DNAH6: variants seen among roughly 807,000 people sequenced by gnomAD.
DNAH6 encodes the protein axonemal beta dynein heavy chain 6.
DNAH6 carries 340 observed loss-of-function variants against 491.4 expected under a neutral mutation model. The observed-to-expected ratio is 0.69, with a 90% CI of 0.63 to 0.76. The LOEUF is 0.76. Among genes scored for constraint, DNAH6 ranks in the 30% least tolerant of loss-of-function variants. The pLI, the probability that DNAH6 is intolerant of heterozygous loss-of-function variation, is 0.00. For synonymous variants in DNAH6, 1,603 were observed against 1,686.1 expected, an observed-to-expected ratio of 0.95 and a Z score of 1.21; for missense variants, 4,443 against 4,972.2, an observed-to-expected ratio of 0.89 and a Z score of 3.20.
intron 72 of DNAH6, 130 bp downstream of exon 72, chr2:84,808,672 A>G (rs1396691026): frequency 5.8e-6 from 5 of 865,668 alleles, no homozygotes; most frequent in African/African-American, 1.7e-5. Flanking sequence ...TTCAAGCCCA[A>G]TGAGTCTAAA....
At chr2:84,558,474 A>G (rs1039716251) in intron 11 of DNAH6, among the ~76,000 whole-genome samples, 2 of 151,964 alleles carry the variant, frequency 1.3e-5, no homozygotes, top group African/African-American at 4.8e-5. Flanking sequence ...GTTACTTATC[A>G]TTAGCAATCC....
intron 64 of DNAH6, among the ~76,000 whole-genome samples, chr2:84,772,110 A>C (rs1233477995): frequency 2.0e-5 from 3 of 152,208 alleles, no homozygotes; most frequent in Non-Finnish European, 4.4e-5. Flanking sequence ...TTTTTTATAC[A>C]ACTGAAACTA....
chr2:84,766,062 T>C (rs1157385942), intron 64 of DNAH6, among the ~76,000 whole-genome samples: 1 of 152,038 alleles, frequency 6.6e-6, no homozygotes, highest in Non-Finnish European at 1.5e-5. Context: ...ATGTTGAATT[T>C]ATAAAGCAAA....
At chr2:84,494,484 A>G in the DNAH6 span, among the ~76,000 whole-genome samples, 1 of 152,240 alleles carries the variant, frequency 6.6e-6, no homozygotes, top group Non-Finnish European at 1.5e-5. Context: ...GTGTAGAATT[A>G]CTAAAGAGAG....
chr2:84,729,974 C>A (rs1048944432), intron 61 of DNAH6, among the ~76,000 whole-genome samples: 5 of 152,106 alleles, frequency 3.3e-5, no homozygotes, highest in Admixed American at 6.6e-5. Flanking sequence ...GAGTTCCAAA[C>A]ACCTATGACA....
At chr2:84,722,242 T>G (rs1167660768) in intron 59 of DNAH6, among the ~76,000 whole-genome samples, 1 of 152,220 alleles carries the variant, frequency 6.6e-6, no homozygotes, top group Non-Finnish European at 1.5e-5. Context: ...TGGGTATCCC[T>G]TCTCCTTTCA....
At chr2:84,503,672 T>G in the DNAH6 span, among the ~76,000 whole-genome samples, 1 of 151,892 alleles carries the variant, frequency 6.6e-6, no homozygotes, top group Non-Finnish European at 1.5e-5. Context: ...GACAAACTAT[T>G]CTAGGGTAAA....
intron 41 of DNAH6, among the ~76,000 whole-genome samples, chr2:84,680,070 A>G (rs1170188808): frequency 1.3e-5 from 2 of 152,244 alleles, no homozygotes; most frequent in South Asian, 4.1e-4. Context: ...CATAAAATAC[A>G]GACCATGTGG....
chr2:84,701,579 C>T (rs929785430), intron 49 of DNAH6, among the ~76,000 whole-genome samples: 2 of 152,036 alleles, frequency 1.3e-5, no homozygotes, highest in African/African-American at 2.4e-5. Context: ...GGGGAGGCCT[C>T]GGGAAACTTT....
chr2:84,715,388 T>TA (rs1697425240), intron 57 of DNAH6, among the ~76,000 whole-genome samples, 172 bp from the exon 58 acceptor site: 1 of 152,176 alleles, frequency 6.6e-6, no homozygotes, highest in South Asian at 2.1e-4. Context: ...GGGAAAAACA[T>TA]ATGAGGATTT....
chr2:84,643,743 T>A (rs187757644), intron 33 of DNAH6, among the ~76,000 whole-genome samples: 2 of 152,318 alleles, frequency 1.3e-5, no homozygotes, highest in African/African-American at 4.8e-5. Flanking sequence ...GCTTTCCATA[T>A]CTCTGCTTAT....
intron 11 of DNAH6, among the ~76,000 whole-genome samples, chr2:84,570,995 C>CG (rs1681785435): frequency 6.6e-6 from 1 of 151,960 alleles, no homozygotes; most frequent in Admixed American, 6.6e-5. Context: ...CGTGAGAGTC[C>CG]GGGGCTTCAT....
intron 3 of DNAH6, among the ~76,000 whole-genome samples, chr2:84,525,974 A>G (rs1676571545): frequency 6.6e-6 from 1 of 152,194 alleles, no homozygotes; most frequent in African/African-American, 2.4e-5. Context: ...CTTTTGTATG[A>G]TAAAGAAGAT....
At chr2:84,645,994 C>T (rs913473910) in intron 33 of DNAH6, among the ~76,000 whole-genome samples, 17 of 152,158 alleles carry the variant, frequency 1.1e-4, no homozygotes, top group East Asian at 1.9e-4. Flanking sequence ...TACTGCACTT[C>T]GCAGATATCA....
Position 84,534,685 on chromosome 2 carries a change from C to T in DNAH6, c.662+5519C>T, listed in dbSNP as rs572867360. Among the ~76,000 whole-genome samples, 12 of 151,956 alleles carry T rather than the reference C, an allele frequency of 7.9e-5. No individual in the cohort carries two copies. The East Asian group carries it at 2.1e-3, about 27-fold the overall frequency. ...AGATGTTTCTGATTATTTTTTCTAT[C>T]CCTTCTTTCCTCTTTTCCTCTTGTT... On this transcript the variant is annotated intron_variant, in intron 4 of 76. Coordinates refer to ENST00000389394, the MANE Select transcript of DNAH6 (RefSeq NM_001370.2).
intron 16 of DNAH6, among the ~76,000 whole-genome samples, chr2:84,589,626 C>T (rs1683898152): frequency 6.8e-6 from 1 of 147,128 alleles, no homozygotes; most frequent in South Asian, 2.2e-4. Flanking sequence ...CGGGGAGGAT[C>T]ATTTGAGCCC....
At position 84,631,967 on chromosome 2, in the gene DNAH6, CT is replaced by C. The variant is rs1374168651; in HGVS notation, c.4516-2535del. Reference sequence around the variant, plus strand: ...CTAATATCCTTTTACCAAGAGAAACCTTGGTTCCCCACAGAGTGTGGTCTCC... The same window carrying C: ...CTAATATCCTTTTACCAAGAGAAACCTGGTTCCCCACAGAGTGTGGTCTCC... On this transcript the variant is annotated intron_variant, in intron 29 of 76. Coordinates refer to ENST00000389394, the MANE Select transcript of DNAH6 (RefSeq NM_001370.2). Among the ~76,000 whole-genome samples, 7 of 152,212 alleles carry C rather than the reference CT, an allele frequency of 4.6e-5. No individual in the cohort carries two copies. The East Asian group carries it at 1.3e-3, about 29-fold the overall frequency.
chr2:84,604,238 G>A (rs1685536950), intron 18 of DNAH6, 101 bp from the exon 19 acceptor site: 2 of 860,686 alleles, frequency 2.3e-6, no homozygotes, highest in African/African-American at 1.7e-5. Context: ...GGTAAGTGGT[G>A]CTCTTTTCCA....
intron 31 of DNAH6, among the ~76,000 whole-genome samples, chr2:84,639,631 G>T (rs74843162): frequency 0.011 from 1,728 of 152,086 alleles, 33 homozygotes; most frequent in African/African-American, 0.04. Flanking sequence ...TGTTGGTCAG[G>T]CTGATCTTAA....
Sources: allele counts gnomAD v4.1 joint callset (sites outside exome capture counted in the v4.1 genomes callset), GRCh38; gene constraint gnomAD v4.1.1; transcripts MANE v1.5; gene names NCBI Gene and HGNC (gene_info 2026-07-23, HGNC 2026-07-21).